Variants in SVIL observed in about 807,000 individuals in gnomAD.
SVIL encodes supervillin.
In SVIL, 101 loss-of-function variants were observed where a neutral mutation model predicts 240.4. That is an observed-to-expected ratio of 0.42 (90% confidence interval 0.36 to 0.50). The LOEUF (loss-of-function observed/expected upper bound fraction) is 0.50, where lower values mean the gene tolerates loss of function less well. SVIL is among the 20% of genes least tolerant of loss of function. The pLI is 0.01. For synonymous variants in SVIL, 999 were observed against 1,100.0 expected, an observed-to-expected ratio of 0.91 and a Z score of 1.82; for missense variants, 2,512 against 2,818.7, an observed-to-expected ratio of 0.89 and a Z score of 2.46.
intron 3 of SVIL, among the ~76,000 whole-genome samples, chr10:29,653,106 A>T (rs1168948406): frequency 6.6e-6 from 1 of 151,832 alleles, no homozygotes; most frequent in East Asian, 1.9e-4. Context: ...CCAGGATTAC[A>T]GGCATGAGTC....
intron 1 of SVIL, among the ~76,000 whole-genome samples, chr10:29,622,059 G>C (rs111906854): frequency 0.021 from 3,105 of 151,338 alleles, 38 homozygotes; most frequent in Non-Finnish European, 0.031. Context: ...GACCATCCTG[G>C]CTAACACGGT....
At chr10:29,584,249 G>A (rs1956067774) in intron 1 of SVIL, among the ~76,000 whole-genome samples, 1 of 152,326 alleles carries the variant, frequency 6.6e-6, no homozygotes, top group South Asian at 2.1e-4. Flanking sequence ...CCATCCCTCT[G>A]CATGGTAAAT....
intron 1 of SVIL, among the ~76,000 whole-genome samples, chr10:29,719,792 A>T (rs1252505423): frequency 2.0e-5 from 3 of 146,408 alleles, no homozygotes; most frequent in African/African-American, 5.5e-5. Flanking sequence ...AAGAAAGTTT[A>T]AAAAAAATGA....
chr10:29,584,783 C>T (rs193153694), intron 1 of SVIL, among the ~76,000 whole-genome samples: 1 of 152,146 alleles, frequency 6.6e-6, no homozygotes, highest in East Asian at 1.9e-4. Context: ...CGTGGACAGC[C>T]CGTGAAGAAG....
intron 2 of SVIL, among the ~76,000 whole-genome samples, chr10:29,564,884 A>G (rs1259732748): frequency 6.6e-6 from 1 of 152,256 alleles, no homozygotes; most frequent in Non-Finnish European, 1.5e-5. Flanking sequence ...ACCGACTTCT[A>G]AACACTGAAT....
At chr10:29,595,298 G>A (rs1332280778) in intron 1 of SVIL, among the ~76,000 whole-genome samples, 4 of 152,196 alleles carry the variant, frequency 2.6e-5, no homozygotes, top group African/African-American at 4.8e-5. Context: ...GGACAGGGTT[G>A]GGCAGGTGGG....
At position 29,558,335 on chromosome 10, in the gene SVIL, T is replaced by A. The variant is rs550906135; in HGVS notation, c.-50-3227A>T. 3.9e-5 allele frequency among the ~76,000 whole-genome samples: 6 copies of A among 152,322 alleles called. No individual in the cohort carries two copies. In the South Asian group the frequency reaches 1.2e-3, roughly 32 times the overall value. ...ATGAGCTTATAAATTAAATTGTCCT[T>A]TAAATGTATTGGTGAGCTTATTAAT... On this transcript the variant is annotated intron_variant, in intron 3 of 37. Transcript: ENST00000355867.
At chr10:29,574,317 A>G (rs1489343750) in intron 1 of SVIL, among the ~76,000 whole-genome samples, 3 of 152,196 alleles carry the variant, frequency 2.0e-5, no homozygotes, top group Admixed American at 6.5e-5. Flanking sequence ...GGTCACTGTC[A>G]TAGCATGTCA....
chr10:29,494,711 A>G (rs755424817), intron 20 of SVIL, among the ~76,000 whole-genome samples: 5 of 152,184 alleles, frequency 3.3e-5, no homozygotes, highest in Admixed American at 6.5e-5. Context: ...CACAATTCCA[A>G]TTGGATGGCA....
intron 3 of SVIL, among the ~76,000 whole-genome samples, chr10:29,640,159 A>T (rs1431003537): frequency 6.6e-6 from 1 of 151,902 alleles, no homozygotes; most frequent in Admixed American, 6.6e-5. Context: ...CCCCAGCCCC[A>T]TGTGCTTCCC....
chr10:29,559,979 G>A (rs1025216883), intron 3 of SVIL, among the ~76,000 whole-genome samples: 1 of 152,150 alleles, frequency 6.6e-6, no homozygotes, highest in African/African-American at 2.4e-5. Flanking sequence ...GAAACAGAAG[G>A]TTTCTGGTTA....
intron 34 of SVIL, among the ~76,000 whole-genome samples, chr10:29,464,387 C>A (rs1212913290): frequency 6.6e-6 from 1 of 152,172 alleles, no homozygotes; most frequent in Non-Finnish European, 1.5e-5. Context: ...TGCAGTGAGC[C>A]ATGACTGCGC....
At chr10:29,566,968 T>C (rs1347450603) in intron 2 of SVIL, among the ~76,000 whole-genome samples, 1 of 152,210 alleles carries the variant, frequency 6.6e-6, no homozygotes, top group African/African-American at 2.4e-5. Flanking sequence ...GGGAAGCATC[T>C]CTCCATAGAT....
intron 1 of SVIL, among the ~76,000 whole-genome samples, chr10:29,727,755 A>C (rs2132710595): frequency 6.7e-6 from 1 of 149,186 alleles, no homozygotes; most frequent in African/African-American, 2.5e-5. Flanking sequence ...AAAAAAAAAA[A>C]AGAAAAAGTC....
intron 1 of SVIL, among the ~76,000 whole-genome samples, chr10:29,710,414 C>A (rs1657603811): frequency 6.6e-6 from 1 of 152,186 alleles, no homozygotes; most frequent in South Asian, 2.1e-4. Flanking sequence ...TCCCCTGCTA[C>A]AAATCAATGA....
chr10:29,581,749 C>T (rs1955955370), intron 1 of SVIL, among the ~76,000 whole-genome samples: 1 of 152,136 alleles, frequency 6.6e-6, no homozygotes, highest in South Asian at 2.1e-4. Context: ...TGGCTAATGA[C>T]TCTTGGAAAG....
At chr10:29,551,366 A>T (rs1004579299) in intron 5 of SVIL, 103 bp from the exon 6 acceptor site, 4 of 1,179,860 alleles carry the variant, frequency 3.4e-6, no homozygotes, top group Non-Finnish European at 4.6e-6. Flanking sequence ...CTGGGTGCCC[A>T]TGCTGTGAAG....
At chr10:29,674,326 G>A (rs1960035611) in intron 2 of SVIL, among the ~76,000 whole-genome samples, 1 of 151,976 alleles carries the variant, frequency 6.6e-6, no homozygotes, top group African/African-American at 2.4e-5. Flanking sequence ...ATGAGATTCT[G>A]TCTCAAAAAA....
chr10:29,476,146 A>C (rs1473251438), intron 29 of SVIL, among the ~76,000 whole-genome samples: 1 of 152,226 alleles, frequency 6.6e-6, no homozygotes, highest in African/African-American at 2.4e-5. Context: ...GAAGCCACTT[A>C]ATTGAAATTT....
Sources: gnomAD v4.1 joint callset for allele counts (sites outside exome capture counted in the v4.1 genomes callset) on GRCh38, gnomAD v4.1.1 for gene constraint, MANE v1.5 for transcripts, NCBI Gene and HGNC (gene_info 2026-07-23, HGNC 2026-07-21) for gene names.